TBCB: variants seen among roughly 807,000 people sequenced by gnomAD.
The protein encoded by TBCB is tubulin-folding cofactor B.
Under a neutral mutation model 29.2 loss-of-function variants are expected in TBCB, and 18 were observed. That is an observed-to-expected ratio of 0.62 (90% confidence interval 0.43 to 0.91). TBCB has a LOEUF of 0.91. TBCB is among the 40% of genes least tolerant of loss of function. The pLI is 0.00. For synonymous variants in TBCB, 172 were observed against 137.8 expected, an observed-to-expected ratio of 1.25 and a Z score of -1.74; for missense variants, 336 against 337.6, an observed-to-expected ratio of 1.00 and a Z score of 0.04.
intron 2 of TBCB, among the ~76,000 whole-genome samples, chr19:36,119,891 G>A (rs1372602497): frequency 3.5e-5 from 5 of 144,282 alleles, no homozygotes; most frequent in Middle Eastern, 3.6e-3. Context: ...GCGAGACTCC[G>A]TCAAAAAAAA....
upstream of TBCB, chr19:36,115,189 C>G: frequency 1.8e-6 from 1 of 546,114 alleles, no homozygotes; most frequent in South Asian, 2.4e-5. Context: ...AGGCGCTTGG[C>G]TTGGTTGAAG....
chr19:36,115,817 G>A, intron 1 of TBCB, 143 bp downstream of exon 1: 1 of 1,092,716 alleles, frequency 9.2e-7, no homozygotes, highest in Middle Eastern at 3.0e-4. Flanking sequence ...CCCGGTCGCG[G>A]CGGGGCGGGT....
At chr19:36,120,917 G>A in intron 3 of TBCB, 111 bp downstream of exon 3, 1 of 1,001,582 alleles carries the variant, frequency 1.0e-6, no homozygotes, top group Non-Finnish European at 1.5e-6. Flanking sequence ...GGTGTAGACG[G>A]GGGGCCGAGA....
intron 4 of TBCB, 137 bp from the exon 5 acceptor site, chr19:36,125,314 T>C: frequency 2.2e-6 from 2 of 908,552 alleles, no homozygotes; most frequent in Non-Finnish European, 3.5e-6. Context: ...GTGGTAGCAA[T>C]AGAGGTAGCA....
intron 4 of TBCB, among the ~76,000 whole-genome samples, chr19:36,122,667 A>T (rs1323580231): frequency 2.0e-5 from 3 of 147,096 alleles, no homozygotes; most frequent in Non-Finnish European, 4.5e-5. Flanking sequence ...AGGTGGGAGG[A>T]TGGCTTGAGC....
rs1279564155 is a variant in TBCB at position 36,115,543 on chromosome 19, T to G, written c.-18T>G. 2.5e-6 allele frequency: 4 copies of G among 1,584,054 alleles called. No individual in the cohort carries two copies. Among genetic ancestry groups the G allele is most frequent in the South Asian group, 1.1e-5 (1 of 87,440 alleles). On this transcript the variant is annotated 5_prime_UTR_variant, in exon 1 of 6. Transcript: ENST00000221855. The stretch of plus-strand genomic sequence containing the variant: ...AGGCGGCTGGACCGCGCTGCAGGCA[T>G]CCGCAGGGCGCGGCAAGATGGAGGT...
intron 4 of TBCB, chr19:36,122,099 G>C (rs1974065012): frequency 3.3e-6 from 1 of 306,568 alleles, no homozygotes; most frequent in Admixed American, 4.9e-5. Flanking sequence ...GAGGCTGGGA[G>C]CATCTGAAGG....
intron 2 of TBCB, among the ~76,000 whole-genome samples, chr19:36,117,610 G>A (rs760031036): frequency 1.9e-4 from 28 of 151,120 alleles, no homozygotes; most frequent in Non-Finnish European, 3.0e-4. Flanking sequence ...CCTCAGCCTC[G>A]CAAAGTGCTG....
At position 36,115,801 on chromosome 19, in the gene TBCB, T is replaced by G. The variant is rs1220862145; in HGVS notation, c.114+127T>G. 3 of 1,119,468 alleles carry G rather than the reference T, an allele frequency of 2.7e-6. No individual in the cohort carries two copies. In the African/African-American group the frequency reaches 4.9e-5, roughly 18 times the overall value. 69.3% of individuals were successfully genotyped at this position (1,119,468 alleles called of 1,614,324 possible). ...GGAGGTGATCCCAGGCTGCGGAGGCTGGGGACCCGGTCGCGGCGGGGCGGG... is the reference window on the plus strand; with the variant it reads ...GGAGGTGATCCCAGGCTGCGGAGGCGGGGGACCCGGTCGCGGCGGGGCGGG... On this transcript the variant is annotated intron_variant, in intron 1 of 5. Coordinates refer to ENST00000221855, the MANE Select transcript of TBCB (RefSeq NM_001281.3).
intron 3 of TBCB, among the ~76,000 whole-genome samples, 163 bp downstream of exon 3, chr19:36,120,969 C>G (rs943546097): frequency 1.4e-5 from 2 of 140,016 alleles, no homozygotes; most frequent in African/African-American, 5.4e-5. Flanking sequence ...TGGGGACAGA[C>G]GGAGGCCTGG....
At chr19:36,121,835 G>A (rs912767896) in intron 4 of TBCB, 117 bp downstream of exon 4, 2 of 1,289,006 alleles carry the variant, frequency 1.6e-6, no homozygotes, top group Non-Finnish European at 1.1e-6. Context: ...GGTTGGGGGG[G>A]ACTCGAAACG....
At chr19:36,115,265 G>GAA, upstream of TBCB, 1 of 532,132 alleles carries the variant, frequency 1.9e-6, no homozygotes, top group Non-Finnish European at 3.3e-6. Context: ...CTACCTCCGG[G>GAA]CTTCAGTCTT....
chr19:36,121,839 C>T (rs1259025018), intron 4 of TBCB, 121 bp downstream of exon 4: 5 of 1,261,794 alleles, frequency 4.0e-6, no homozygotes, highest in Middle Eastern at 2.3e-4. Flanking sequence ...GGGGGGGACT[C>T]GAAACGATCT....
At position 36,115,521 on chromosome 19, in the gene TBCB, C is replaced by G. The variant is rs749093161; in HGVS notation, c.-40C>G. On this transcript the variant is annotated 5_prime_UTR_variant, in exon 1 of 6. Coordinates refer to ENST00000221855, the MANE Select transcript of TBCB (RefSeq NM_001281.3). ...CGGCGGCTGCGGAGCGGGTGTGAGG[C>G]GGCTGGACCGCGCTGCAGGCATCCG... 1 of 1,496,466 alleles carries G rather than the reference C, an allele frequency of 6.7e-7. No individual in the cohort carries two copies. The highest frequency in any genetic ancestry group is 2.5e-5 in the East Asian group (1 of 40,790). The allele number at this position is 1,496,466 out of a possible 1,614,324, so 92.7% of individuals were successfully genotyped here. A position where few individuals can be genotyped will look rare whatever the true frequency, so the allele number is the denominator to read the frequency against.
chr19:36,125,793 A>G lies in TBCB; in HGVS notation c.*11A>G. 6.7e-7 allele frequency: 1 copy of G among 1,495,624 alleles called. No homozygotes were observed. Among genetic ancestry groups the G allele is most frequent in the Non-Finnish European group, 8.9e-7 (1 of 1,120,556 alleles). The allele number at this position is 1,495,624 out of a possible 1,614,324, so 92.6% of individuals were successfully genotyped here. ...TTGGACGAGATATGACACCTAAGGA[A>G]TTCCCCTGCTTCAGCTCCTAGCTCA... On this transcript the variant is annotated 3_prime_UTR_variant, in exon 6 of 6. Coordinates refer to ENST00000221855, the MANE Select transcript of TBCB (RefSeq NM_001281.3).
At chr19:36,119,917 T>G (rs1442135686) in intron 2 of TBCB, among the ~76,000 whole-genome samples, 1 of 147,656 alleles carries the variant, frequency 6.8e-6, no homozygotes, top group Non-Finnish European at 1.5e-5. Flanking sequence ...AAACCCAAAG[T>G]CTCCAGCAGT....
At chr19:36,125,397 T>C (rs1043446722) in intron 4 of TBCB, 54 bp from the exon 5 acceptor site, 57 of 1,591,206 alleles carry the variant, frequency 3.6e-5, no homozygotes, top group Non-Finnish European at 4.7e-5. Flanking sequence ...TGAAATTTCA[T>C]GGGGATTTCT....
At position 36,121,687 on chromosome 19, in the gene TBCB, A is replaced by G. The variant is rs528896565; in HGVS notation, c.516A>G (p.Gln172=). The G allele has an allele frequency of 1.9e-4, 301 of 1,557,374 alleles. No homozygotes were observed. The highest frequency in any genetic ancestry group is 2.3e-4 in the Non-Finnish European group (265 of 1,151,864). The change falls in exon 4 of 6, where the codon CAA becomes CAG. Residue 172 remains glutamine, a synonymous_variant. Coordinates refer to ENST00000221855, the MANE Select transcript of TBCB (RefSeq NM_001281.3). ...GSRCEVRAAG[Q]SPRRGTVMYV... ...GCTGTGAGGTGCGGGCGGCGGGACAATCCCCTCGCCGGGGCACCGTCATGT... is the reference window on the plus strand; with the variant it reads ...GCTGTGAGGTGCGGGCGGCGGGACAGTCCCCTCGCCGGGGCACCGTCATGT...
intron 1 of TBCB, 40 bp downstream of exon 1, chr19:36,115,714 G>A: frequency 1.5e-6 from 1 of 671,724 alleles, no homozygotes; most frequent in Non-Finnish European, 2.1e-6. Context: ...GCGGGGCGAA[G>A]AAATTGGGGG....
Sources: gnomAD v4.1 joint callset for allele counts (sites outside exome capture counted in the v4.1 genomes callset) on GRCh38, gnomAD v4.1.1 for gene constraint, MANE v1.5 for transcripts, NCBI Gene and HGNC (gene_info 2026-07-23, HGNC 2026-07-21) for gene names.